PLAC1: variants seen among roughly 807,000 people sequenced by gnomAD.
PLAC1 encodes the protein placenta-specific protein 1.
For synonymous variants in PLAC1, 68 were observed against 62.1 expected, an observed-to-expected ratio of 1.09 and a Z score of -0.44; for missense variants, 136 against 163.2, an observed-to-expected ratio of 0.83 and a Z score of 0.91.
intron 2 of PLAC1, among the ~76,000 whole-genome samples, chrX:134,566,981 G>C (rs748998754): frequency 2.7e-5 from 3 of 112,268 alleles, no homozygotes; most frequent in Non-Finnish European, 5.6e-5. Context: ...CTAATATGTA[G>C]AACAACAGTT....
chrX:134,580,015 C>T (rs1290165940), intron 2 of PLAC1, among the ~76,000 whole-genome samples: 1 of 112,048 alleles, frequency 8.9e-6, no homozygotes, highest in Non-Finnish European at 1.9e-5. Flanking sequence ...CTACCTTCCG[C>T]CAATTGGAGC....
chrX:134,594,164 T>G (rs1335425025), intron 2 of PLAC1, among the ~76,000 whole-genome samples: 1 of 111,957 alleles, frequency 8.9e-6, no homozygotes, highest in Non-Finnish European at 1.9e-5. Flanking sequence ...TATAATCATG[T>G]GATTTTTCTT....
intron 1 of PLAC1, among the ~76,000 whole-genome samples, chrX:134,658,069 A>G (rs2078400918): frequency 8.9e-6 from 1 of 111,996 alleles, no homozygotes; most frequent in African/African-American, 3.2e-5. Context: ...ATTTAAATAA[A>G]GAACAGACCA....
At position 134,717,078 on chromosome X, in the gene PLAC1, G is replaced by A. The variant is rs539905090; in HGVS notation, n.174+16357C>T. On this transcript the variant is annotated intron_variant and non_coding_transcript_variant, in intron 2 of 2. Transcript: ENST00000466797. ...GGAGTGCTGATCTGAGGATTCTGTG[G>A]TCTAAACCTGACTCAGTGAAAAAGA... Among the ~76,000 whole-genome samples the A allele has an allele frequency of 5.3e-3, 590 of 111,719 alleles. 5 individuals carry two copies. The highest frequency in any genetic ancestry group is 0.018 in the South Asian group (47 of 2,616).
At chrX:134,676,112 T>C (rs2078473765) in intron 2 of PLAC1, among the ~76,000 whole-genome samples, 1 of 112,300 alleles carries the variant, frequency 8.9e-6, no homozygotes, top group Non-Finnish European at 1.9e-5. Context: ...GTCATTCTAC[T>C]AAGGAAACTT....
intron 1 of PLAC1, among the ~76,000 whole-genome samples, chrX:134,629,157 T>C (rs1005446847): frequency 4.5e-5 from 5 of 112,063 alleles, no homozygotes; most frequent in Non-Finnish European, 9.4e-5. Context: ...TTAGATGTGA[T>C]GGCAAATAAC....
At chrX:134,731,988 C>T (rs1446892496) in intron 2 of PLAC1, among the ~76,000 whole-genome samples, 1 of 111,854 alleles carries the variant, frequency 8.9e-6, no homozygotes, top group Admixed American at 9.5e-5. Context: ...ACCTGCAAGT[C>T]ATGCCCCAGG....
intron 1 of PLAC1, among the ~76,000 whole-genome samples, chrX:134,630,222 C>T (rs746935752): frequency 2.1e-4 from 23 of 111,518 alleles, no homozygotes; most frequent in African/African-American, 7.5e-4. Context: ...CTGCCCCCCT[C>T]GGCCTCCCAA....
chrX:134,620,173 C>A (rs1023504778), intron 1 of PLAC1, among the ~76,000 whole-genome samples: 2 of 112,528 alleles, frequency 1.8e-5, no homozygotes, highest in Admixed American at 1.9e-4. Context: ...AGGCCAGACA[C>A]CTGATGGGAC....
intron 1 of PLAC1, among the ~76,000 whole-genome samples, chrX:134,620,778 T>G (rs1450334474): frequency 1.8e-5 from 2 of 112,519 alleles, no homozygotes; most frequent in African/African-American, 6.5e-5. Context: ...TTATTTCATT[T>G]AAGCTTCAAA....
At chrX:134,592,720 CTTTT>C (rs141372595) in intron 2 of PLAC1, among the ~76,000 whole-genome samples, 1 of 61,441 alleles carries the variant, frequency 1.6e-5, no homozygotes, top group Non-Finnish European at 3.1e-5. Flanking sequence ...CTCTGTGTCT[CTTTT>C]TTTTTTTTTT....
At chrX:134,684,397 G>A (rs2078508478) in intron 2 of PLAC1, among the ~76,000 whole-genome samples, 1 of 76,276 alleles carries the variant, frequency 1.3e-5, no homozygotes, top group Non-Finnish European at 2.4e-5. Flanking sequence ...GAATGTTACT[G>A]AGTGCTCTGC....
At chrX:134,740,088 C>T (rs775315149) in intron 1 of PLAC1, among the ~76,000 whole-genome samples, 1 of 111,556 alleles carries the variant, frequency 9.0e-6, no homozygotes, top group East Asian at 2.8e-4. Flanking sequence ...GAGGCTGAGG[C>T]GGGCAGATCA....
At chrX:134,594,567 T>G (rs1267848025) in intron 2 of PLAC1, among the ~76,000 whole-genome samples, 4 of 111,557 alleles carry the variant, frequency 3.6e-5, no homozygotes, top group Non-Finnish European at 7.5e-5. Flanking sequence ...ATTTCCTTAA[T>G]AGTTATGGAG....
At chrX:134,670,214 C>T (rs2078451197) in intron 2 of PLAC1, among the ~76,000 whole-genome samples, 2 of 110,110 alleles carry the variant, frequency 1.8e-5, no homozygotes, top group Admixed American at 1.9e-4. Context: ...CCTGGGTGGT[C>T]CCATGCCACC....
intron 1 of PLAC1, among the ~76,000 whole-genome samples, chrX:134,758,814 G>T (rs1489383332): frequency 8.9e-6 from 1 of 111,805 alleles, no homozygotes; most frequent in Non-Finnish European, 1.9e-5. Flanking sequence ...CACAGTAAAG[G>T]AAACAATCAA....
chrX:134,664,734 G>A (rs1163863615), intron 2 of PLAC1, among the ~76,000 whole-genome samples: 1 of 111,730 alleles, frequency 9.0e-6, no homozygotes, highest in Non-Finnish European at 1.9e-5. Context: ...TGAAAGAGAG[G>A]TGAGAAGCAC....
chrX:134,578,515 C>CTTTTTTTT (rs766626696), intron 2 of PLAC1, among the ~76,000 whole-genome samples: 4 of 55,954 alleles, frequency 7.1e-5, no homozygotes, highest in African/African-American at 2.1e-4. Context: ...TTCTTTCTTT[C>CTTTTTTTT]TTTTTTTTTT....
intron 1 of PLAC1, among the ~76,000 whole-genome samples, chrX:134,611,899 G>A (rs1418101777): frequency 9.0e-6 from 1 of 111,359 alleles, no homozygotes; most frequent in South Asian, 3.8e-4. Flanking sequence ...TCTCAGGCCT[G>A]TCAGCCTCTG....
Sources: gnomAD v4.1 joint callset for allele counts (sites outside exome capture counted in the v4.1 genomes callset) on GRCh38, gnomAD v4.1.1 for gene constraint, MANE v1.5 for transcripts, NCBI Gene and HGNC (gene_info 2026-07-23, HGNC 2026-07-21) for gene names.